CDH18: variants seen among roughly 807,000 people sequenced by gnomAD.
The protein encoded by CDH18 is cadherin-18.
In CDH18, 31 loss-of-function variants were observed where a neutral mutation model predicts 67.9. The ratio of observed to expected loss-of-function variants is 0.46; its 90% CI spans 0.34 to 0.62. The LOEUF is 0.62. CDH18 is among the 20% of genes least tolerant of loss of function. The probability of loss-of-function intolerance (pLI) is 0.01; values close to 1 mark genes in which losing one functional copy is unlikely to be tolerated. For missense variants in CDH18, 890 were observed against 975.5 expected (o/e 0.91, Z 1.17); for synonymous variants, 362 against 347.2 (o/e 1.04, Z -0.48).
At chr5:19,901,786 T>A (rs1177027126) in intron 2 of CDH18, among the ~76,000 whole-genome samples, 3 of 151,928 alleles carry the variant, frequency 2.0e-5, no homozygotes, top group African/African-American at 7.2e-5. Flanking sequence ...AAATAAATAG[T>A]AACTCACCAT....
chr5:19,567,391 A>G (rs996815535), intron 8 of CDH18, among the ~76,000 whole-genome samples: 5 of 152,212 alleles, frequency 3.3e-5, no homozygotes, highest in African/African-American at 1.2e-4. Context: ...GACCGAAGTC[A>G]GGAAGCTTTT....
At chr5:19,632,579 C>A (rs1752564762) in intron 5 of CDH18, among the ~76,000 whole-genome samples, 3 of 152,158 alleles carry the variant, frequency 2.0e-5, no homozygotes, top group African/African-American at 7.2e-5. Flanking sequence ...AAAATCCTAA[C>A]TATATTATCA....
At chr5:19,837,606 CT>C (rs1561409381) in intron 3 of CDH18, among the ~76,000 whole-genome samples, 2 of 151,830 alleles carry the variant, frequency 1.3e-5, no homozygotes, top group Admixed American at 1.3e-4. Context: ...TGTTTTAGAT[CT>C]TTTTTTATGT....
chr5:19,953,903 G>A (rs1796028076), intron 2 of CDH18, among the ~76,000 whole-genome samples: 1 of 151,956 alleles, frequency 6.6e-6, no homozygotes. Flanking sequence ...AATTAAGCTA[G>A]TTACTAGAGT....
intron 1 of CDH18, among the ~76,000 whole-genome samples, chr5:20,433,077 G>A (rs900308467): frequency 7.3e-5 from 11 of 150,214 alleles, no homozygotes; most frequent in African/African-American, 1.9e-4. Flanking sequence ...TGTTAGTCAC[G>A]GATTAGCCGA....
At chr5:20,397,132 TG>T (rs1745349983) in intron 1 of CDH18, among the ~76,000 whole-genome samples, 1 of 152,074 alleles carries the variant, frequency 6.6e-6, no homozygotes, top group African/African-American at 2.4e-5. Flanking sequence ...TTGTTTTTTG[TG>T]GTGTTTGTTT....
chr5:19,734,564 T>C (rs1768049215), intron 4 of CDH18, among the ~76,000 whole-genome samples: 1 of 152,160 alleles, frequency 6.6e-6, no homozygotes, highest in South Asian at 2.1e-4. Context: ...ATTGCACAGA[T>C]TAAAAAAAGA....
At chr5:19,624,418 T>A (rs1365983589) in intron 5 of CDH18, among the ~76,000 whole-genome samples, 6 of 152,198 alleles carry the variant, frequency 3.9e-5, no homozygotes, top group Non-Finnish European at 2.9e-5. Flanking sequence ...TGCCTACATA[T>A]CATATACATG....
chr5:20,297,104 A>G (rs1747597822), intron 1 of CDH18, among the ~76,000 whole-genome samples: 4 of 152,166 alleles, frequency 2.6e-5, no homozygotes. Flanking sequence ...ATATATTTAA[A>G]TACATAATAT....
chr5:20,232,828 A>T (rs986207248), intron 2 of CDH18, among the ~76,000 whole-genome samples: 54 of 152,040 alleles, frequency 3.6e-4, no homozygotes, highest in Non-Finnish European at 7.4e-5. Flanking sequence ...TGACAAACAA[A>T]AGGCTTTGGC....
intron 1 of CDH18, among the ~76,000 whole-genome samples, chr5:20,290,810 G>A (rs1334807408): frequency 6.6e-6 from 1 of 152,110 alleles, no homozygotes; most frequent in Non-Finnish European, 1.5e-5. Context: ...GAAGGTGGAA[G>A]TGTGGACTAG....
intron 4 of CDH18, among the ~76,000 whole-genome samples, chr5:19,724,104 A>G (rs952291309): frequency 2.0e-5 from 3 of 152,218 alleles, no homozygotes; most frequent in African/African-American, 7.2e-5. Flanking sequence ...CCCACACTGG[A>G]AACCATCCTG....
chr5:20,047,579 A>G (rs1481182514), intron 2 of CDH18, among the ~76,000 whole-genome samples: 1 of 151,818 alleles, frequency 6.6e-6, no homozygotes, highest in African/African-American at 2.4e-5. Context: ...TAGAACTATA[A>G]CACTCAAATG....
chr5:19,693,895 G>GAA (rs11357542), intron 5 of CDH18, among the ~76,000 whole-genome samples: 1 of 118,952 alleles, frequency 8.4e-6, no homozygotes. Context: ...GACTCTGTCT[G>GAA]AAAAAAAAAA....
At chr5:19,862,133 T>C (rs1581690257) in intron 2 of CDH18, among the ~76,000 whole-genome samples, 1 of 152,216 alleles carries the variant, frequency 6.6e-6, no homozygotes, top group East Asian at 1.9e-4. Flanking sequence ...GAGCAGTCAC[T>C]ATTTCAAATG....
At chr5:20,347,868 A>G (rs1432597326) in intron 1 of CDH18, among the ~76,000 whole-genome samples, 2 of 152,248 alleles carry the variant, frequency 1.3e-5, no homozygotes, top group South Asian at 2.1e-4. Context: ...CTTCTGCCAC[A>G]TAACATATCA....
At chr5:20,197,163 T>C (rs190988661) in intron 2 of CDH18, among the ~76,000 whole-genome samples, 1,973 of 152,102 alleles carry the variant, frequency 0.013, 45 homozygotes, top group African/African-American at 0.045. Context: ...AGGCACCCAC[T>C]GCCACACCTG....
intron 8 of CDH18, among the ~76,000 whole-genome samples, chr5:19,554,874 A>G (rs765396475): frequency 6.6e-6 from 1 of 152,168 alleles, no homozygotes; most frequent in East Asian, 1.9e-4. Flanking sequence ...TAATTATTTT[A>G]GACTTCAGGT....
At chr5:19,596,018 G>A (rs1227532595) in intron 6 of CDH18, among the ~76,000 whole-genome samples, 2 of 152,172 alleles carry the variant, frequency 1.3e-5, no homozygotes, top group Non-Finnish European at 2.9e-5. Context: ...AAAAGCATGA[G>A]ACCCAAATGT....
Sources: gnomAD v4.1 joint callset for allele counts (sites outside exome capture counted in the v4.1 genomes callset) on GRCh38, gnomAD v4.1.1 for gene constraint, MANE v1.5 for transcripts, NCBI Gene and HGNC (gene_info 2026-07-23, HGNC 2026-07-21) for gene names.